Variants in ORC5 observed in about 807,000 individuals in gnomAD.
ORC5 encodes the protein protein phosphatase 1, regulatory subunit 117.
A neutral mutation model predicts 58.8 loss-of-function variants in ORC5; 39 were observed. That is an observed-to-expected ratio of 0.66 (90% CI 0.51 to 0.87). The LOEUF (loss-of-function observed/expected upper bound fraction) is 0.87, where lower values mean the gene tolerates loss of function less well. Ranked by LOEUF, ORC5 falls within the 40% of genes least tolerant of loss-of-function variation. The pLI is 0.00. For missense variants in ORC5, 493 were observed against 506.3 expected (o/e 0.97, Z 0.25); for synonymous variants, 218 against 177.6 (o/e 1.23, Z -1.81).
chr7:104,194,381 T>C (rs574608884), intron 5 of ORC5, among the ~76,000 whole-genome samples: 3 of 152,230 alleles, frequency 2.0e-5, no homozygotes, highest in African/African-American at 7.2e-5. Flanking sequence ...TATTTTTTTA[T>C]AGACTGCTAA....
intron 12 of ORC5, among the ~76,000 whole-genome samples, chr7:104,151,164 G>T (rs976463869): frequency 2.0e-5 from 3 of 152,094 alleles, no homozygotes; most frequent in Non-Finnish European, 4.4e-5. Context: ...TGCAATAAAT[G>T]CTATTGAATG....
Position 104,200,810 on chromosome 7 carries a change from A to C in ORC5, c.314T>G (p.Leu105Trp). 6.2e-7 allele frequency: 1 copy of C among 1,612,816 alleles called. No homozygotes were observed. Among genetic ancestry groups the C allele is most frequent in the Non-Finnish European group, 8.5e-7 (1 of 1,178,904 alleles). ...TTCAGCTGTGGTTACTTGTTTAAAC[A>C]AGCGAACAAAGTCATTAAATGTTTC... ...TCETFNDFVR[L>W]FKQVTTAENL... The change falls in exon 3 of 14, where the codon TTG becomes TGG. Residue 105 changes from leucine (L) to tryptophan (W), a missense_variant. Transcript: ENST00000297431.
intron 2 of ORC5, among the ~76,000 whole-genome samples, chr7:104,201,250 G>T (rs181955624): frequency 9.7e-4 from 148 of 152,194 alleles, no homozygotes; most frequent in Non-Finnish European, 1.2e-3. Flanking sequence ...GCCCTAGCTT[G>T]GCAGTGGATA....
chr7:104,159,205 T>A (rs186881593), intron 12 of ORC5, among the ~76,000 whole-genome samples: 33 of 150,096 alleles, frequency 2.2e-4, no homozygotes, highest in African/African-American at 8.0e-4. Context: ...GAAATCATCA[T>A]TCTCAGTAAA....
At chr7:104,192,893 G>C (rs1021050731) in intron 5 of ORC5, among the ~76,000 whole-genome samples, 9 of 149,982 alleles carry the variant, frequency 6.0e-5, no homozygotes, top group Non-Finnish European at 1.2e-4. Flanking sequence ...TCAGTGAACT[G>C]AAAGATATAG....
intron 12 of ORC5, among the ~76,000 whole-genome samples, chr7:104,147,226 A>AT (rs34345994): frequency 0.36 from 54,653 of 151,898 alleles, 11,036 homozygotes; most frequent in East Asian, 0.56. Context: ...CTCAAGGAGG[A>AT]TTTGTAGCTA....
Position 104,207,939 on chromosome 7 carries a change from A to G in ORC5, c.-35T>C, listed in dbSNP as rs759257520. Reference sequence around the variant, plus strand: ...CACCACCGCAGAGGCCAGTGCAGCCAGCCCACAGGACCCTTGCACAAGACG... The same window carrying G: ...CACCACCGCAGAGGCCAGTGCAGCCGGCCCACAGGACCCTTGCACAAGACG... On this transcript the variant is annotated 5_prime_UTR_variant, in exon 1 of 14. Coordinates refer to ENST00000297431, the MANE Select transcript of ORC5 (RefSeq NM_002553.4). The G allele has an allele frequency of 3.4e-5, 54 of 1,593,828 alleles. No homozygotes were observed. The highest frequency in any genetic ancestry group is 4.5e-5 in the Non-Finnish European group (52 of 1,161,686).
intron 12 of ORC5, among the ~76,000 whole-genome samples, chr7:104,149,334 C>A (rs1479588263): frequency 6.6e-6 from 1 of 152,132 alleles, no homozygotes; most frequent in African/African-American, 2.4e-5. Flanking sequence ...TGGGTTTCTA[C>A]ACCCTATGAA....
intron 5 of ORC5, among the ~76,000 whole-genome samples, chr7:104,191,766 G>A (rs1799682317): frequency 6.6e-6 from 1 of 152,054 alleles, no homozygotes; most frequent in Non-Finnish European, 1.5e-5. Context: ...AGTGTATCAT[G>A]AGGTAGTAAA....
chr7:104,207,998 G>A lies in ORC5; in HGVS notation c.-94C>T, dbSNP rs1425509593. 2.5e-6 allele frequency: 3 copies of A among 1,210,040 alleles called. No individual in the cohort carries two copies. Among genetic ancestry groups the A allele is most frequent in the Non-Finnish European group, 3.6e-6 (3 of 829,348 alleles). 75.0% of individuals were successfully genotyped at this position (1,210,040 alleles called of 1,614,324 possible). A position where few individuals can be genotyped will look rare whatever the true frequency, so the allele number is the denominator to read the frequency against. ...CCCGAGTCTGGCGGCCCACGCTCCC[G>A]CCGGAAACCGGACCCGCAGCGTCGT... On this transcript the variant is annotated 5_prime_UTR_variant, in exon 1 of 14. Coordinates refer to ENST00000297431, the MANE Select transcript of ORC5 (RefSeq NM_002553.4).
intron 5 of ORC5, among the ~76,000 whole-genome samples, chr7:104,193,229 T>C (rs1799715630): frequency 6.6e-6 from 1 of 152,188 alleles, no homozygotes; most frequent in East Asian, 1.9e-4. Flanking sequence ...AGGTTTATAA[T>C]AATAGTTGAG....
At chr7:104,183,878 G>A in intron 8 of ORC5, 65 bp downstream of exon 8, 1 of 1,053,336 alleles carries the variant, frequency 9.5e-7, no homozygotes. Flanking sequence ...TGTTATTTAA[G>A]TTGAGAGAGT....
At chr7:104,146,293 AC>A (rs1175767015) in intron 12 of ORC5, among the ~76,000 whole-genome samples, 2 of 152,218 alleles carry the variant, frequency 1.3e-5, no homozygotes, top group Non-Finnish European at 2.9e-5. Flanking sequence ...TTACCGTATT[AC>A]CCTGCAATTG....
Position 104,204,167 on chromosome 7 carries a change from G to C in ORC5, c.140C>G (p.Thr47Arg). The change falls in exon 2 of 14, where the codon ACA becomes AGA. Residue 47 changes from threonine (T) to arginine (R), a missense_variant. Around this residue, in one of 3 missense-constraint regions of ORC5, gnomAD observed 412 missense variants for 403.7 expected, o/e 1.02. Coordinates refer to ENST00000297431, the MANE Select transcript of ORC5 (RefSeq NM_002553.4). ...GHTASGKTYVTQTLLKTLELP... is the reference protein window; with the variant it reads ...GHTASGKTYVRQTLLKTLELP... ...CTCTAAAGTTTTCAACAACGTTTGT[G>C]TTACATAGGTCTTTCCACTAGCAGT... 1 of 1,588,522 alleles carries C rather than the reference G, an allele frequency of 6.3e-7. No homozygotes were observed. The highest frequency in any genetic ancestry group is 1.3e-5 in the African/African-American group (1 of 74,486).
intron 11 of ORC5, 49 bp from the exon 12 acceptor site, chr7:104,161,231 C>G: frequency 9.9e-7 from 1 of 1,015,076 alleles, no homozygotes; most frequent in Non-Finnish European, 1.6e-6. Flanking sequence ...TACCAGAGCA[C>G]TCACTTTCTG....
At position 104,150,440 on chromosome 7, in the gene ORC5, A is replaced by G. The variant is rs529824004; in HGVS notation, c.1149+10632T>C. The stretch of plus-strand genomic sequence containing the variant: ...GGCATATATTGAGAGTTCAACTGAC[A>G]TTTTTACACACACAAAGCAGAGGTG... On this transcript the variant is annotated intron_variant, in intron 12 of 13. Coordinates refer to ENST00000297431, the MANE Select transcript of ORC5 (RefSeq NM_002553.4). 7.2e-5 allele frequency among the ~76,000 whole-genome samples: 11 copies of G among 152,190 alleles called. No homozygotes were observed. The South Asian group carries it at 2.3e-3, about 32-fold the overall frequency.
chr7:104,161,346 G>C (rs1198202208), intron 11 of ORC5, among the ~76,000 whole-genome samples, 164 bp from the exon 12 acceptor site: 2 of 152,036 alleles, frequency 1.3e-5, no homozygotes, highest in East Asian at 3.9e-4. Context: ...TAACTGATAT[G>C]ATCATGATTT....
chr7:104,158,162 A>G (rs1798959230), intron 12 of ORC5, among the ~76,000 whole-genome samples: 1 of 152,050 alleles, frequency 6.6e-6, no homozygotes, highest in Admixed American at 6.6e-5. Flanking sequence ...AACCTGCCCA[A>G]TCTAGAATTG....
intron 13 of ORC5, among the ~76,000 whole-genome samples, chr7:104,128,922 A>C (rs1476397262): frequency 1.3e-5 from 2 of 151,920 alleles, no homozygotes; most frequent in African/African-American, 2.4e-5. Flanking sequence ...ACTTGGGTGA[A>C]AACAAAATTT....
Sources: gnomAD v4.1 joint callset for allele counts (sites outside exome capture counted in the v4.1 genomes callset) on GRCh38, gnomAD v4.1.1 for gene constraint, gnomAD v4.1.1 regional missense constraint, MANE v1.5 for transcripts, NCBI Gene and HGNC (gene_info 2026-07-23, HGNC 2026-07-21) for gene names.